MAP2K5: variants seen among roughly 807,000 people sequenced by gnomAD.
MAP2K5 encodes the protein mitogen-activated protein kinase kinase 5.
Under a neutral mutation model 83.1 loss-of-function variants are expected in MAP2K5, and 49 were observed. That is an observed-to-expected ratio of 0.59 (90% CI 0.47 to 0.75). The LOEUF (loss-of-function observed/expected upper bound fraction) is 0.75, where lower values mean the gene tolerates loss of function less well. Among genes scored for constraint, MAP2K5 ranks in the 30% least tolerant of loss-of-function variants. The pLI, the probability that MAP2K5 is intolerant of heterozygous loss-of-function variation, is 0.00. For missense variants in MAP2K5, 457 were observed against 557.5 expected (o/e 0.82, Z 1.82); for synonymous variants, 202 against 191.8 (o/e 1.05, Z -0.44).
Position 67,637,957 on chromosome 15 carries a change from T to C in MAP2K5, c.585+7030T>C, listed in dbSNP as rs1300236267. ...ATGTGTGTTTTAGTACCTCTTCCTT[T>C]CTTTTTTTTAATTTAACTTTTAACT... is the stretch of plus-strand genomic sequence containing the variant. On this transcript the variant is annotated intron_variant, in intron 9 of 21. Transcript: ENST00000178640. The surrounding 1 kb of genome is among the most constrained non-coding windows in gnomAD (Gnocchi z 4.5). Among the ~76,000 whole-genome samples the C allele has an allele frequency of 6.6e-6, 1 of 151,982 alleles. No homozygotes were observed. Among genetic ancestry groups the C allele is most frequent in the Non-Finnish European group, 1.5e-5 (1 of 67,992 alleles).
At chr15:67,639,216 G>A (rs372787436) in intron 9 of MAP2K5, among the ~76,000 whole-genome samples, 4 of 152,104 alleles carry the variant, frequency 2.6e-5, no homozygotes, top group Non-Finnish European at 1.5e-5. Flanking sequence ...AAAATTTTGC[G>A]AACTATGCAT....
chr15:67,713,729 C>A (rs1446731168), intron 16 of MAP2K5, among the ~76,000 whole-genome samples: 1 of 151,470 alleles, frequency 6.6e-6, no homozygotes. Context: ...GAGTGAGACT[C>A]CGTCTCAAAA....
rs531667171 is a variant in MAP2K5, at chr15:67,730,107, C to T, written c.1074+2162C>T. Among the ~76,000 whole-genome samples, 25 of 152,256 alleles carry T rather than the reference C, an allele frequency of 1.6e-4. No individual in the cohort carries two copies. The South Asian group carries it at 5.2e-3, about 32-fold the overall frequency. On this transcript the variant is annotated intron_variant, in intron 17 of 21. Transcript: ENST00000178640. ...AAGTTTTTCAACAGAAGTTGGGGTG[C>T]GTCGTTGCTAGAACCACTAATGACT...
intron 17 of MAP2K5, among the ~76,000 whole-genome samples, chr15:67,734,517 C>G (rs2089295615): frequency 6.6e-6 from 1 of 152,012 alleles, no homozygotes; most frequent in Admixed American, 6.6e-5. Context: ...TTTTCAAATG[C>G]TAATGTTGAA....
intron 21 of MAP2K5, among the ~76,000 whole-genome samples, chr15:67,789,467 C>T (rs1373244527): frequency 6.6e-6 from 1 of 152,062 alleles, no homozygotes; most frequent in African/African-American, 2.4e-5. Context: ...GCCTGTAATC[C>T]CAGCACTTTG....
At chr15:67,664,280 G>A (rs1355332546) in intron 12 of MAP2K5, among the ~76,000 whole-genome samples, 1 of 132,772 alleles carries the variant, frequency 7.5e-6, no homozygotes, top group Non-Finnish European at 1.5e-5. Flanking sequence ...GATCACTTAA[G>A]CCCAGGACTT....
rs1432596860 is a variant in MAP2K5 at position 67,760,085 on chromosome 15, AT to A, written c.1135-9515del. Among the ~76,000 whole-genome samples, 1 of 152,216 alleles carries A rather than the reference AT, an allele frequency of 6.6e-6. No homozygotes were observed. The highest frequency in any genetic ancestry group is 1.5e-5 in the Non-Finnish European group (1 of 68,036). ...TGAAAAGTCCAGTGTGTTTAAATTA[AT>A]TCAGTTTGGCTGGTTTGAAAATTGA... is the stretch of plus-strand genomic sequence containing the variant. On this transcript the variant is annotated intron_variant, in intron 19 of 21. Coordinates refer to ENST00000178640, the MANE Select transcript of MAP2K5 (RefSeq NM_145160.3). The surrounding 1 kb of genome is among the most constrained non-coding windows in gnomAD (Gnocchi z 4.1).
intron 7 of MAP2K5, among the ~76,000 whole-genome samples, chr15:67,598,775 C>G (rs1415341876): frequency 6.6e-6 from 1 of 152,122 alleles, no homozygotes; most frequent in African/African-American, 2.4e-5. Flanking sequence ...AGAGTGTAGA[C>G]TCTATCTACT....
chr15:67,719,641 A>T lies in MAP2K5; in HGVS notation c.1045-8275A>T, dbSNP rs945031036. 1.6e-4 allele frequency among the ~76,000 whole-genome samples: 24 copies of T among 152,200 alleles called. No individual in the cohort carries two copies. The highest frequency in any genetic ancestry group is 5.3e-4 in the African/African-American group (22 of 41,450). ...AAAATTGTGGGTAGAGTCTTCTAGG[A>T]TTAACTCCTGACAGAAGAGGAGAAA... On this transcript the variant is annotated intron_variant, in intron 16 of 21. Transcript: ENST00000178640. This position sits in a 1 kb window ranked among gnomAD's most constrained non-coding sequence, Gnocchi z 4.6.
chr15:67,751,323 G>A (rs2089713492), intron 19 of MAP2K5, among the ~76,000 whole-genome samples: 2 of 152,030 alleles, frequency 1.3e-5, no homozygotes, highest in Admixed American at 1.3e-4. Context: ...AATTTTGGTG[G>A]GTGGCATTTC....
chr15:67,663,834 C>T (rs535429143), intron 12 of MAP2K5, among the ~76,000 whole-genome samples: 2 of 152,238 alleles, frequency 1.3e-5, no homozygotes, highest in Non-Finnish European at 2.9e-5. Context: ...ATGATTGCAC[C>T]ACTGCACTCC....
chr15:67,664,502 C>CAAA, intron 12 of MAP2K5, 95 bp from the exon 13 acceptor site: 6 of 612,106 alleles, frequency 9.8e-6, no homozygotes, highest in Admixed American at 3.1e-5. Flanking sequence ...CACCCTGTCT[C>CAAA]AAAAAAAAAA....
At chr15:67,629,051 C>A in intron 8 of MAP2K5, 1 of 746,890 alleles carries the variant, frequency 1.3e-6, no homozygotes, top group South Asian at 1.3e-5. Flanking sequence ...GTGGTGGAGG[C>A]CAATACTTTG....
In MAP2K5 at chr15:67,575,325, C is replaced by G. The variant is rs935221898; in HGVS notation, c.253-5429C>G. Among the ~76,000 whole-genome samples, 4 of 145,902 alleles carry G rather than the reference C, an allele frequency of 2.7e-5. No homozygotes were observed. The Admixed American group carries it at 2.8e-4, about 10-fold the overall frequency. On this transcript the variant is annotated intron_variant, in intron 3 of 21. Transcript: ENST00000178640. ...GGGGTAATAACCACTTACAGGAAAC[C>G]GAATGGAGTGGTTGGAGAAGTAGGA...
intron 8 of MAP2K5, among the ~76,000 whole-genome samples, chr15:67,604,614 G>C (rs2085737729): frequency 1.3e-5 from 2 of 152,054 alleles, no homozygotes; most frequent in Non-Finnish European, 2.9e-5. Flanking sequence ...TATCTAGGTT[G>C]GGCGGGGTGC....
intron 15 of MAP2K5, among the ~76,000 whole-genome samples, chr15:67,694,090 A>G (rs2088184520): frequency 6.6e-6 from 1 of 152,160 alleles, no homozygotes; most frequent in African/African-American, 2.4e-5. Context: ...CTATTGTAAG[A>G]TTATTTAGTT....
intron 19 of MAP2K5, among the ~76,000 whole-genome samples, chr15:67,761,556 G>A (rs140239677): frequency 2.8e-4 from 43 of 152,306 alleles, no homozygotes; most frequent in Admixed American, 5.2e-4. Flanking sequence ...ACTAACAGTC[G>A]AGTGAACATT....
intron 17 of MAP2K5, 21 bp downstream of exon 17, chr15:67,727,966 T>C (rs751382402): frequency 1.8e-5 from 29 of 1,601,036 alleles, no homozygotes; most frequent in South Asian, 1.5e-4. Flanking sequence ...TCATTACTGC[T>C]GTTTGCCACT....
In MAP2K5 at chr15:67,562,252, A is replaced by G. The variant is rs1349263468; in HGVS notation, c.185-1031A>G. The stretch of plus-strand genomic sequence containing the variant: ...CCTCACTGTTGACAAATCTTTATAG[A>G]AGGATGAAGAGTTAACTATATATTT... On this transcript the variant is annotated intron_variant, in intron 2 of 21. Transcript: ENST00000178640. This position sits in a 1 kb window ranked among gnomAD's most constrained non-coding sequence, Gnocchi z 4.1. Among the ~76,000 whole-genome samples the G allele has an allele frequency of 1.3e-5, 2 of 152,188 alleles. No individual in the cohort carries two copies. The highest frequency in any genetic ancestry group is 2.9e-5 in the Non-Finnish European group (2 of 68,030).
Sources: gnomAD v4.1 joint callset for allele counts (sites outside exome capture counted in the v4.1 genomes callset) on GRCh38, gnomAD v4.1.1 for gene constraint, Gnocchi (gnomAD v3.1) non-coding constraint, MANE v1.5 for transcripts, NCBI Gene and HGNC (gene_info 2026-07-23, HGNC 2026-07-21) for gene names.